Variants in MARCHF1 observed in about 807,000 individuals in gnomAD.
MARCHF1 encodes membrane associated ring-CH-type finger 1, also known as E3 ubiquitin-protein ligase MARCHF1.
MARCHF1 carries 40 observed loss-of-function variants against 54.2 expected under a neutral mutation model. That is an observed-to-expected ratio of 0.74 (90% CI 0.57 to 0.96). The LOEUF is 0.96. Ranked by LOEUF, MARCHF1 falls within the 40% of genes least tolerant of loss-of-function variation. MARCHF1 has a pLI of 0.00. For synonymous variants in MARCHF1, 236 were observed against 236.3 expected, an observed-to-expected ratio of 1.00 and a Z score of 0.01; for missense variants, 586 against 656.5, an observed-to-expected ratio of 0.89 and a Z score of 1.17.
chr4:163,987,573 A>G (rs1752893904), intron 3 of MARCHF1, among the ~76,000 whole-genome samples: 3 of 152,136 alleles, frequency 2.0e-5, no homozygotes, highest in African/African-American at 7.2e-5. Context: ...TTGAGGGAAA[A>G]AAAAGGTTAA....
intron 5 of MARCHF1, among the ~76,000 whole-genome samples, chr4:163,629,311 G>A (rs11724985): frequency 0.41 from 62,299 of 151,606 alleles, 13,397 homozygotes; most frequent in East Asian, 0.6. Flanking sequence ...TGGGGAAAGG[G>A]GTCCCTATGT....
chr4:163,635,945 C>A (rs1742302143), intron 5 of MARCHF1, among the ~76,000 whole-genome samples: 1 of 152,152 alleles, frequency 6.6e-6, no homozygotes, highest in Non-Finnish European at 1.5e-5. Flanking sequence ...TCAATATATG[C>A]AAATCGATAA....
intron 1 of MARCHF1, chr4:164,197,731 C>A (rs1251514211): frequency 2.5e-6 from 4 of 1,611,280 alleles, no homozygotes; most frequent in Middle Eastern, 1.7e-4. Flanking sequence ...TCTCTGTCTG[C>A]AGAGGCTCTC....
chr4:163,966,856 C>T (rs1178259939), intron 3 of MARCHF1, among the ~76,000 whole-genome samples: 2 of 152,030 alleles, frequency 1.3e-5, no homozygotes, highest in South Asian at 2.1e-4. Flanking sequence ...CAAAAACTAG[C>T]GTGATTGTAC....
chr4:163,911,862 C>A (rs1751196307), intron 3 of MARCHF1, among the ~76,000 whole-genome samples: 2 of 152,104 alleles, frequency 1.3e-5, no homozygotes, highest in African/African-American at 2.4e-5. Flanking sequence ...CTTGCTGATA[C>A]CTTGATCTCA....
intron 1 of MARCHF1, among the ~76,000 whole-genome samples, chr4:164,274,845 T>A (rs377113491): frequency 2.0e-5 from 3 of 150,710 alleles, no homozygotes; most frequent in African/African-American, 7.3e-5. Flanking sequence ...CCCTGCTAAT[T>A]TTTTGTATTT....
chr4:163,804,347 C>T (rs1179830176), intron 4 of MARCHF1, among the ~76,000 whole-genome samples: 1 of 152,130 alleles, frequency 6.6e-6, no homozygotes, highest in African/African-American at 2.4e-5. Flanking sequence ...CTCAAAACAG[C>T]ATTAATATCA....
intron 5 of MARCHF1, among the ~76,000 whole-genome samples, chr4:163,644,956 T>G (rs1264601127): frequency 6.6e-6 from 1 of 152,170 alleles, no homozygotes; most frequent in Admixed American, 6.6e-5. Flanking sequence ...CTGAATGACT[T>G]TGGTCTCAGC....
intron 2 of MARCHF1, among the ~76,000 whole-genome samples, chr4:164,089,360 T>C (rs1430054186): frequency 1.3e-5 from 2 of 152,170 alleles, no homozygotes; most frequent in African/African-American, 2.4e-5. Context: ...CAATTAGATA[T>C]AATTTCTACT....
At chr4:163,722,523 A>T (rs1356704298) in intron 4 of MARCHF1, among the ~76,000 whole-genome samples, 1 of 152,110 alleles carries the variant, frequency 6.6e-6, no homozygotes, top group African/African-American at 2.4e-5. Context: ...TGGGGTGGAG[A>T]GTTCTATAGA....
At chr4:163,986,249 CTTTTTTTTTTTTTTT>C (rs869081083) in intron 3 of MARCHF1, among the ~76,000 whole-genome samples, 1,065 of 28,908 alleles carry the variant, frequency 0.037, 40 homozygotes, top group African/African-American at 0.097. Flanking sequence ...TTAACCTCTT[CTTTTTTTTTTTTTTT>C]TTTTTTTTTT....
At chr4:163,898,508 G>T (rs1054926142) in intron 3 of MARCHF1, among the ~76,000 whole-genome samples, 1 of 152,140 alleles carries the variant, frequency 6.6e-6, no homozygotes, top group Non-Finnish European at 1.5e-5. Flanking sequence ...AGTCAGAATA[G>T]CCGTTATTAA....
intron 1 of MARCHF1, among the ~76,000 whole-genome samples, chr4:164,179,460 C>T (rs57736278): frequency 0.15 from 22,171 of 151,954 alleles, 2,190 homozygotes; most frequent in African/African-American, 0.26. Flanking sequence ...AAATAATACA[C>T]TAATACAATA....
chr4:163,637,903 C>CTA (rs1742400429), intron 5 of MARCHF1, among the ~76,000 whole-genome samples: 1 of 150,904 alleles, frequency 6.6e-6, no homozygotes, highest in South Asian at 2.1e-4. Flanking sequence ...CCATGGAATA[C>CTA]TATGCAGCCA....
chr4:164,089,835 A>G (rs1755263566), intron 2 of MARCHF1, among the ~76,000 whole-genome samples: 1 of 152,020 alleles, frequency 6.6e-6, no homozygotes, highest in Admixed American at 6.6e-5. Context: ...AAACCATCTC[A>G]GCAAGCTTGC....
intron 8 of MARCHF1, among the ~76,000 whole-genome samples, chr4:163,549,430 C>T (rs1739025904): frequency 6.6e-6 from 1 of 152,068 alleles, no homozygotes; most frequent in Non-Finnish European, 1.5e-5. Context: ...TCCCAAAGGT[C>T]AGGGAGAAGG....
chr4:164,316,683 T>C (rs1027626728), intron 1 of MARCHF1, among the ~76,000 whole-genome samples: 1 of 152,190 alleles, frequency 6.6e-6, no homozygotes, highest in Non-Finnish European at 1.5e-5. Context: ...AAGAGTGATA[T>C]GGTTTGGATT....
intron 4 of MARCHF1, among the ~76,000 whole-genome samples, chr4:163,812,385 C>A (rs552489741): frequency 2.0e-4 from 30 of 151,890 alleles, no homozygotes; most frequent in African/African-American, 6.8e-4. Context: ...TCTGGAGAAA[C>A]CCTGACTAAT....
chr4:163,826,985 T>C (rs932308757), intron 4 of MARCHF1, among the ~76,000 whole-genome samples: 3 of 152,078 alleles, frequency 2.0e-5, no homozygotes, highest in African/African-American at 7.2e-5. Context: ...ATGGTTTCCT[T>C]AAATTTATCT....
Sources: allele counts gnomAD v4.1 joint callset (sites outside exome capture counted in the v4.1 genomes callset), GRCh38; gene constraint gnomAD v4.1.1; transcripts MANE v1.5; gene names NCBI Gene and HGNC (gene_info 2026-07-23, HGNC 2026-07-21).